The following AGBL1 variants were observed in gnomAD, a reference collection of about 807,000 sequenced individuals.
The protein encoded by AGBL1 is cytosolic carboxypeptidase 4.
In AGBL1, 130 loss-of-function variants were observed where a neutral mutation model predicts 118.9. That is an observed-to-expected ratio of 1.09 (90% confidence interval 0.95 to 1.26). The LOEUF (loss-of-function observed/expected upper bound fraction) is 1.26, where lower values mean the gene tolerates loss of function less well. Ranked by LOEUF, AGBL1 falls within the 50% of genes most tolerant of loss-of-function variation. The pLI is 0.00. For missense variants in AGBL1, 1,584 were observed against 1,298.1 expected (o/e 1.22, Z -3.38); for synonymous variants, 555 against 478.9 (o/e 1.16, Z -2.08).
chr15:86,737,333 G>T (rs1161877399), intron 22 of AGBL1, among the ~76,000 whole-genome samples: 2 of 152,150 alleles, frequency 1.3e-5, no homozygotes, highest in Non-Finnish European at 2.9e-5. Context: ...TCCAGGCAAA[G>T]GTGATATTCC....
At chr15:86,683,865 G>C (rs1596366883) in intron 22 of AGBL1, among the ~76,000 whole-genome samples, 1 of 152,110 alleles carries the variant, frequency 6.6e-6, no homozygotes, top group Non-Finnish European at 1.5e-5. Context: ...TGGCATGGGT[G>C]GTCTAAGTTA....
chr15:86,558,161 A>G (rs2083761437), intron 21 of AGBL1, among the ~76,000 whole-genome samples: 2 of 152,188 alleles, frequency 1.3e-5, no homozygotes, highest in East Asian at 3.9e-4. Flanking sequence ...ATAATTAGGC[A>G]GAAAGACTTC....
chr15:86,166,474 T>A (rs2077343525), intron 5 of AGBL1, among the ~76,000 whole-genome samples: 2 of 152,204 alleles, frequency 1.3e-5, no homozygotes, highest in African/African-American at 4.8e-5. Flanking sequence ...CAGGCGACCC[T>A]ACACTTTGGA....
intron 3 of AGBL1, among the ~76,000 whole-genome samples, chr15:86,151,327 A>C (rs1401537539): frequency 6.6e-6 from 1 of 150,542 alleles, no homozygotes; most frequent in African/African-American, 2.4e-5. Context: ...AAGCTTATCC[A>C]CCACAATCAA....
At chr15:86,700,759 T>G (rs2086343978) in intron 22 of AGBL1, among the ~76,000 whole-genome samples, 1 of 152,128 alleles carries the variant, frequency 6.6e-6, no homozygotes, top group African/African-American at 2.4e-5. Flanking sequence ...TGTGCTTCCC[T>G]GTTCTCAGAG....
intron 22 of AGBL1, among the ~76,000 whole-genome samples, chr15:86,747,492 A>T: frequency 6.6e-6 from 1 of 152,208 alleles, no homozygotes; most frequent in Non-Finnish European, 1.5e-5. Flanking sequence ...TTCTTTTATT[A>T]TTATACTTTA....
chr15:86,492,174 G>T (rs891216425), intron 18 of AGBL1, among the ~76,000 whole-genome samples: 4 of 152,086 alleles, frequency 2.6e-5, no homozygotes, highest in African/African-American at 9.7e-5. Context: ...GCATATAGAA[G>T]AAAAGTGCTG....
intron 5 of AGBL1, among the ~76,000 whole-genome samples, chr15:86,186,994 A>C (rs1416846243): frequency 6.6e-6 from 1 of 152,228 alleles, no homozygotes; most frequent in Non-Finnish European, 1.5e-5. Context: ...TCCATTAATA[A>C]TTTGAGGACA....
chr15:86,254,846 C>T (rs1025293109), intron 7 of AGBL1, among the ~76,000 whole-genome samples: 3 of 152,208 alleles, frequency 2.0e-5, no homozygotes, highest in Non-Finnish European at 4.4e-5. Context: ...TCAAGAATTT[C>T]TGTCACCTTG....
intron 22 of AGBL1, among the ~76,000 whole-genome samples, chr15:86,896,213 C>G (rs536250598): frequency 6.6e-6 from 1 of 151,958 alleles, no homozygotes; most frequent in African/African-American, 2.4e-5. Context: ...ATTCTATAGT[C>G]TTTTCCAAAT....
At chr15:86,504,564 T>C (rs2082952851) in intron 18 of AGBL1, among the ~76,000 whole-genome samples, 1 of 151,658 alleles carries the variant, frequency 6.6e-6, no homozygotes, top group South Asian at 2.1e-4. Context: ...ATTAGTTTTA[T>C]AGTATTTTTT....
chr15:86,571,840 G>T (rs886069016), intron 21 of AGBL1, among the ~76,000 whole-genome samples: 18 of 152,156 alleles, frequency 1.2e-4, no homozygotes, highest in African/African-American at 4.3e-4. Context: ...GCCCTCCCTG[G>T]CTTAAAGGTG....
At chr15:86,982,627 T>C (rs759017332) in intron 23 of AGBL1, among the ~76,000 whole-genome samples, 17 of 152,164 alleles carry the variant, frequency 1.1e-4, no homozygotes, top group Admixed American at 3.3e-4. Context: ...GCCTACTCAA[T>C]GTGAAGAAAA....
intron 5 of AGBL1, among the ~76,000 whole-genome samples, chr15:86,165,154 A>C (rs1438465554): frequency 1.3e-5 from 2 of 152,092 alleles, no homozygotes; most frequent in Non-Finnish European, 1.5e-5. Context: ...TCATAAGCAA[A>C]TTCTTCACCT....
chr15:86,267,471 G>A (rs2079092881), intron 13 of AGBL1, among the ~76,000 whole-genome samples: 1 of 152,272 alleles, frequency 6.6e-6, no homozygotes, highest in East Asian at 1.9e-4. Flanking sequence ...GGGTACATGG[G>A]CTTGCTATTC....
intron 23 of AGBL1, among the ~76,000 whole-genome samples, chr15:86,962,456 G>T (rs1284171880): frequency 6.6e-6 from 1 of 151,664 alleles, no homozygotes; most frequent in East Asian, 1.9e-4. Context: ...GTCTTTAAAA[G>T]AAAAAAATCT....
At chr15:86,270,801 A>C (rs1470064988) in intron 14 of AGBL1, among the ~76,000 whole-genome samples, 1 of 152,362 alleles carries the variant, frequency 6.6e-6, no homozygotes, top group East Asian at 1.9e-4. Flanking sequence ...GGTTGAAAAC[A>C]AGACAAATCT....
intron 22 of AGBL1, among the ~76,000 whole-genome samples, chr15:86,788,240 C>T (rs1004541554): frequency 1.1e-4 from 16 of 152,120 alleles, no homozygotes; most frequent in African/African-American, 3.9e-4. Context: ...AGACCTATTA[C>T]CACAGAACAA....
intron 22 of AGBL1, among the ~76,000 whole-genome samples, chr15:86,789,958 C>A (rs552029748): frequency 6.6e-6 from 1 of 152,270 alleles, no homozygotes; most frequent in East Asian, 1.9e-4. Context: ...GTAACATATA[C>A]ACTGTCATCC....
Sources: allele counts gnomAD v4.1 joint callset (sites outside exome capture counted in the v4.1 genomes callset), GRCh38; gene constraint gnomAD v4.1.1; transcripts MANE v1.5; gene names NCBI Gene and HGNC (gene_info 2026-07-23, HGNC 2026-07-21).